DYM: variants seen among roughly 807,000 people sequenced by gnomAD.
DYM encodes dyggve-Melchior-Clausen syndrome protein.
A neutral mutation model predicts 93.1 loss-of-function variants in DYM; 78 were observed. That is an observed-to-expected ratio of 0.84 (90% CI 0.70 to 1.01). The LOEUF is 1.01. DYM is among the 50% of genes least tolerant of loss of function. DYM has a pLI of 0.00. For missense variants in DYM, 789 were observed against 845.0 expected, an observed-to-expected ratio of 0.93 and a Z score of 0.82; for synonymous variants, 321 against 319.7, an observed-to-expected ratio of 1.00 and a Z score of -0.04.
At chr18:49,457,209 C>A (rs1304203296) in intron 1 of DYM, among the ~76,000 whole-genome samples, 5 of 152,130 alleles carry the variant, frequency 3.3e-5, no homozygotes, top group African/African-American at 1.2e-4. Flanking sequence ...CATTAGGAGT[C>A]TTCTTTTGCT....
In DYM at chr18:49,185,141, C is replaced by G. The variant is rs111941080; in HGVS notation, c.1626-21354G>C. Among the ~76,000 whole-genome samples, 571 of 152,256 alleles carry G rather than the reference C, an allele frequency of 3.8e-3. 1 individual carries two copies. Among genetic ancestry groups the G allele is most frequent in the South Asian group, 4.6e-3 (22 of 4,818 alleles). ...ATGTTCAAGTTGAATTACAAGTAAT[C>G]TCATGAATTTCTATAAAAGACCTAA... On this transcript the variant is annotated intron_variant, in intron 14 of 17. Coordinates refer to ENST00000675505, the MANE Select transcript of DYM (RefSeq NM_001353214.3).
intron 2 of DYM, among the ~76,000 whole-genome samples, chr18:49,410,538 T>C (rs2072120548): frequency 1.3e-5 from 2 of 151,784 alleles, no homozygotes; most frequent in Non-Finnish European, 2.9e-5. Flanking sequence ...AGTCTTATTA[T>C]ATACATTTAG....
chr18:49,180,534 G>A (rs2089828939), intron 14 of DYM, among the ~76,000 whole-genome samples: 1 of 152,242 alleles, frequency 6.6e-6, no homozygotes, highest in South Asian at 2.1e-4. Flanking sequence ...AAAGAAAATT[G>A]ATAAATGATT....
intron 8 of DYM, among the ~76,000 whole-genome samples, chr18:49,303,960 C>T (rs2061116188): frequency 6.6e-6 from 1 of 152,166 alleles, no homozygotes; most frequent in Non-Finnish European, 1.5e-5. Flanking sequence ...TGCAGAGCTC[C>T]TCATGCACAT....
intron 8 of DYM, among the ~76,000 whole-genome samples, chr18:49,330,653 C>T (rs772946162): frequency 3.9e-5 from 6 of 152,120 alleles, no homozygotes; most frequent in Non-Finnish European, 7.4e-5. Flanking sequence ...AAACCTCTAA[C>T]CATATTGGAA....
intron 8 of DYM, among the ~76,000 whole-genome samples, chr18:49,311,068 G>C (rs1352685920): frequency 1.3e-5 from 2 of 152,184 alleles, no homozygotes; most frequent in Non-Finnish European, 2.9e-5. Flanking sequence ...ATAAATTCAA[G>C]CAGCTGCATT....
intron 15 of DYM, among the ~76,000 whole-genome samples, chr18:49,153,803 G>C (rs1271533196): frequency 6.6e-6 from 1 of 152,190 alleles, no homozygotes; most frequent in Non-Finnish European, 1.5e-5. Context: ...GATATATGCT[G>C]CAGGCAAGAT....
chr18:49,248,278 G>A (rs1325402081), intron 13 of DYM, among the ~76,000 whole-genome samples: 2 of 152,056 alleles, frequency 1.3e-5, no homozygotes, highest in East Asian at 1.9e-4. Flanking sequence ...AAAATCCATT[G>A]GGCAGGGAAT....
At chr18:49,312,031 T>C (rs1470022520) in intron 8 of DYM, among the ~76,000 whole-genome samples, 1 of 152,174 alleles carries the variant, frequency 6.6e-6, no homozygotes, top group Non-Finnish European at 1.5e-5. Context: ...TCTCATACAC[T>C]GGCCATCTTT....
At chr18:49,263,398 C>T (rs1055779050) in intron 11 of DYM, among the ~76,000 whole-genome samples, 1 of 150,248 alleles carries the variant, frequency 6.7e-6, no homozygotes, top group Non-Finnish European at 1.5e-5. Context: ...GGATTACAGG[C>T]GTGAGCCACC....
intron 8 of DYM, among the ~76,000 whole-genome samples, chr18:49,318,713 G>T (rs1272401508): frequency 6.6e-6 from 1 of 151,638 alleles, no homozygotes; most frequent in Non-Finnish European, 1.5e-5. Flanking sequence ...TGAAAAGTAA[G>T]TGATAACCCC....
chr18:49,100,113 T>C (rs1297198984), intron 16 of DYM, among the ~76,000 whole-genome samples: 2 of 152,114 alleles, frequency 1.3e-5, no homozygotes, highest in African/African-American at 4.8e-5. Context: ...TCTGGAGTAC[T>C]GAGGCTGACA....
At chr18:49,253,725 C>T (rs557145561) in intron 13 of DYM, among the ~76,000 whole-genome samples, 4 of 152,244 alleles carry the variant, frequency 2.6e-5, no homozygotes, top group East Asian at 1.9e-4. Flanking sequence ...TCCCTCAGTG[C>T]GACAAACAGA....
chr18:49,370,067 G>A (rs1280773509), intron 5 of DYM, among the ~76,000 whole-genome samples: 6 of 151,962 alleles, frequency 3.9e-5, no homozygotes, highest in Non-Finnish European at 8.8e-5. Context: ...ACTTGAGGTC[G>A]GGAGTTCAAG....
At chr18:49,119,881 AG>A (rs1599884654) in intron 15 of DYM, among the ~76,000 whole-genome samples, 2 of 152,218 alleles carry the variant, frequency 1.3e-5, no homozygotes, top group East Asian at 3.9e-4. Context: ...TGAGCTCAGG[AG>A]TTCGAGACCA....
intron 8 of DYM, among the ~76,000 whole-genome samples, chr18:49,303,574 C>T (rs1478672913): frequency 1.3e-5 from 2 of 152,088 alleles, no homozygotes; most frequent in African/African-American, 4.8e-5. Context: ...AGGTGTGACC[C>T]TTTGGTGCAC....
intron 8 of DYM, among the ~76,000 whole-genome samples, chr18:49,320,313 T>C (rs2062367583): frequency 6.6e-6 from 1 of 152,204 alleles, no homozygotes; most frequent in South Asian, 2.1e-4. Flanking sequence ...CTATAATGAA[T>C]ACCCATAAAC....
intron 1 of DYM, among the ~76,000 whole-genome samples, chr18:49,433,819 G>C (rs1168411238): frequency 6.6e-6 from 1 of 152,200 alleles, no homozygotes; most frequent in East Asian, 1.9e-4. Context: ...AGTGAGCCGA[G>C]ATTGTGCCAC....
chr18:49,191,996 G>C (rs1445977606), intron 14 of DYM, among the ~76,000 whole-genome samples: 1 of 151,778 alleles, frequency 6.6e-6, no homozygotes, highest in Non-Finnish European at 1.5e-5. Flanking sequence ...GAGTGTAATA[G>C]TGCAATCATA....
Sources: gnomAD v4.1 joint callset for allele counts (sites outside exome capture counted in the v4.1 genomes callset) on GRCh38, gnomAD v4.1.1 for gene constraint, MANE v1.5 for transcripts, NCBI Gene and HGNC (gene_info 2026-07-23, HGNC 2026-07-21) for gene names.